The following DNAH5 variants were observed in gnomAD, a reference collection of about 807,000 sequenced individuals.
DNAH5 encodes axonemal beta dynein heavy chain 5.
DNAH5 carries 372 observed loss-of-function variants against 518.2 expected under a neutral mutation model. The observed-to-expected ratio is 0.72, with a 90% CI of 0.66 to 0.78. The LOEUF is 0.78. Among genes scored for constraint, DNAH5 ranks in the 30% least tolerant of loss-of-function variants. DNAH5 has a pLI of 0.00. For missense variants in DNAH5, 5,523 were observed against 5,687.0 expected, an observed-to-expected ratio of 0.97 and a Z score of 0.93; for synonymous variants, 2,039 against 2,025.9, an observed-to-expected ratio of 1.01 and a Z score of -0.17.
chr5:13,961,625 C>T (rs771913115), intron 1 of DNAH5, among the ~76,000 whole-genome samples: 8 of 150,846 alleles, frequency 5.3e-5, no homozygotes, highest in Non-Finnish European at 7.4e-5. Flanking sequence ...GCCCGGGTGA[C>T]AGAGCAAGAC....
chr5:13,737,189 C>T, intron 66 of DNAH5, 63 bp downstream of exon 66: 1 of 1,607,160 alleles, frequency 6.2e-7, no homozygotes, highest in Non-Finnish European at 8.5e-7. Context: ...TTCCATTTCT[C>T]TAATTCTCAT....
intron 47 of DNAH5, among the ~76,000 whole-genome samples, chr5:13,801,001 A>G (rs1365151376): frequency 1.3e-5 from 2 of 152,142 alleles, no homozygotes; most frequent in African/African-American, 4.8e-5. Context: ...GTTGTTAAAT[A>G]TTTTTTACAT....
chr5:13,942,432 T>A (rs1362939733), intron 1 of DNAH5, among the ~76,000 whole-genome samples: 1 of 152,214 alleles, frequency 6.6e-6, no homozygotes, highest in Non-Finnish European at 1.5e-5. Context: ...TATAATATAA[T>A]AAGCTATCTT....
At chr5:13,911,571 A>C in intron 11 of DNAH5, 78 bp from the exon 12 acceptor site, 1 of 1,116,968 alleles carries the variant, frequency 9.0e-7, no homozygotes, top group South Asian at 1.3e-5. Context: ...TTAAATGTAG[A>C]GCCTATACAA....
rs528843891 is a variant in DNAH5 at position 13,929,061 on chromosome 5, T to C, written c.193-883A>G. Reference sequence around the variant, plus strand: ...TGTATACCCATGTTCATAGTAGCATTACTCACAATAGCTTCCACAAAAGAT... The same window carrying C: ...TGTATACCCATGTTCATAGTAGCATCACTCACAATAGCTTCCACAAAAGAT... On this transcript the variant is annotated intron_variant, in intron 2 of 78. Coordinates refer to ENST00000265104, the MANE Select transcript of DNAH5 (RefSeq NM_001369.3). Among the ~76,000 whole-genome samples the C allele has an allele frequency of 8.5e-4, 130 of 152,358 alleles. 2 individuals are homozygous for C. Among genetic ancestry groups the C allele is most frequent in the African/African-American group, 2.8e-3 (118 of 41,586 alleles).
rs577322977 is a variant in DNAH5 at position 13,855,455 on chromosome 5, G to A, written c.4950+3997C>T. Among the ~76,000 whole-genome samples, 313 of 48,740 alleles carry A rather than the reference G, an allele frequency of 6.4e-3. 79 individuals carry two copies. Among genetic ancestry groups the A allele is most frequent in the African/African-American group, 0.018 (284 of 15,386 alleles). 32.0% of individuals were successfully genotyped at this position (48,740 alleles called of 152,430 possible). ...GATCTCCTGACCTCGTGATCCGCCC[G>A]CCTCGGCCTCCCAAAGTGCTGGGAT... is the stretch of plus-strand genomic sequence containing the variant. On this transcript the variant is annotated intron_variant, in intron 30 of 78. Transcript: ENST00000265104.
chr5:13,823,324 A>G lies in DNAH5; in HGVS notation c.6626T>C (p.Phe2209Ser). 1.2e-6 allele frequency: 2 copies of G among 1,614,060 alleles called. No individual in the cohort carries two copies. The highest frequency in any genetic ancestry group is 1.7e-6 in the Non-Finnish European group (2 of 1,179,930). The change falls in exon 40 of 79, where the codon TTT (phenylalanine) becomes TCT (serine). Residue 2209 changes from phenylalanine (F) to serine (S), a missense_variant. Physicochemically the swap from Phe to Ser is radical, Grantham distance 155. Around this residue, in one of 3 missense-constraint regions of DNAH5, gnomAD observed 5,121 missense variants for 5,223.3 expected, o/e 0.98. Coordinates refer to ENST00000265104, the MANE Select transcript of DNAH5 (RefSeq NM_001369.3). Reference sequence around the variant, plus strand: ...TGCCTTGTCCAGAAGAATATTTGGAAAGAGATCTTCAATCAAACTCAAAAA... The same window carrying G: ...TGCCTTGTCCAGAAGAATATTTGGAGAGAGATCTTCAATCAAACTCAAAAA... ...PLFLSLIEDL[F>S]PNILLDKAGY... is the part of the protein sequence containing the mutation.
At chr5:13,746,031 T>A (rs1317529945) in intron 65 of DNAH5, among the ~76,000 whole-genome samples, 1 of 152,160 alleles carries the variant, frequency 6.6e-6, no homozygotes, top group African/African-American at 2.4e-5. Context: ...CTTCTTTGAC[T>A]TATAAGACAA....
At chr5:13,735,431 T>G in intron 67 of DNAH5, 110 bp from the exon 68 acceptor site, 1 of 1,050,782 alleles carries the variant, frequency 9.5e-7, no homozygotes, top group Non-Finnish European at 1.4e-6. Context: ...GAATTCTTAT[T>G]TTTACACATC....
At chr5:13,946,226 C>T (rs185433997), upstream of DNAH5, among the ~76,000 whole-genome samples, 85 of 152,348 alleles carry the variant, frequency 5.6e-4, no homozygotes, top group African/African-American at 1.9e-3. Flanking sequence ...AGCCCATTTA[C>T]AACGCATCGC....
At position 13,902,142 on chromosome 5, in the gene DNAH5, A is replaced by G. The variant is rs1454992639; in HGVS notation, c.1645-4T>C. The G allele has an allele frequency of 6.3e-7, 1 of 1,590,244 alleles. No homozygotes were observed. On this transcript the variant is annotated splice_polypyrimidine_tract_variant and splice_region_variant and intron_variant, in intron 12 of 78. Coordinates refer to ENST00000265104, the MANE Select transcript of DNAH5 (RefSeq NM_001369.3). The stretch of plus-strand genomic sequence containing the variant: ...CCATGAACTTCCGCAACTCGTTCTA[A>G]AACAGAATAAAATCTGATGATGAAC...
chr5:13,826,725 C>G (rs1762938379), intron 38 of DNAH5, among the ~76,000 whole-genome samples: 1 of 152,126 alleles, frequency 6.6e-6, no homozygotes, highest in Non-Finnish European at 1.5e-5. Context: ...AACAGGAGAA[C>G]AGACTAGTAA....
intron 53 of DNAH5, among the ~76,000 whole-genome samples, chr5:13,778,429 CA>C (rs1186836139): frequency 8.5e-6 from 1 of 117,586 alleles, no homozygotes; most frequent in Non-Finnish European, 1.6e-5. Flanking sequence ...GATCAGAAAA[CA>C]ATTAGAAGAT....
intron 22 of DNAH5, 151 bp from the exon 23 acceptor site, chr5:13,871,916 A>T (rs1770165761): frequency 8.1e-6 from 6 of 738,564 alleles, no homozygotes; most frequent in Non-Finnish European, 1.4e-5. Context: ...AAGAACTGGG[A>T]CTATATACAA....
chr5:13,848,237 G>A (rs558948390), intron 31 of DNAH5, among the ~76,000 whole-genome samples: 63 of 152,306 alleles, frequency 4.1e-4, no homozygotes, highest in African/African-American at 1.5e-3. Flanking sequence ...AAATCTTTAT[G>A]TTAGAAGAAT....
At position 13,997,567 on chromosome 5, in the gene DNAH5, G is replaced by A. The variant is rs910231002; in HGVS notation, c.12+14081C>T. Among the ~76,000 whole-genome samples the A allele has an allele frequency of 3.3e-5, 5 of 152,122 alleles. No homozygotes were observed. In the East Asian group the frequency reaches 9.6e-4, roughly 29 times the overall value. On this transcript the variant is annotated intron_variant, in intron 1 of 78. Coordinates refer to the DNAH5 transcript ENST00000681290. ...CAACCACTTAAGCAATCTCTAAAAA[G>A]ATACAGGCTTTCTCTACAGCTCTCC...
At position 13,913,778 on chromosome 5, in the gene DNAH5, T is replaced by C. The variant is rs185103857; in HGVS notation, c.1501A>G (p.Ile501Val). 4.6e-5 allele frequency: 74 copies of C among 1,613,470 alleles called. No homozygotes were observed. In the Middle Eastern group the frequency reaches 6.6e-4, roughly 14 times the overall value. The part of the protein sequence containing the change: ...KTYSVLQDST[I>V]EGLEDMATKY... ...GTGGCCATGTCTTCCAGCCCTTCAA[T>C]TGTGGAATCTTGCAGGACTGAATAC... Residue 501 changes from isoleucine to valine, a missense_variant, in exon 11 of 79, where the codon ATT (isoleucine) becomes GTT (valine). Around this residue, in one of 3 missense-constraint regions of DNAH5, gnomAD observed 5,121 missense variants for 5,223.3 expected, o/e 0.98. Coordinates refer to ENST00000265104, the MANE Select transcript of DNAH5 (RefSeq NM_001369.3).
rs572913236 is a variant in DNAH5, at chr5:13,747,348, T to C, written c.11211+3730A>G. Among the ~76,000 whole-genome samples, 230 of 152,338 alleles carry C rather than the reference T, an allele frequency of 1.5e-3. 1 individual carries two copies. The highest frequency in any genetic ancestry group is 5.3e-3 in the African/African-American group (221 of 41,590). On this transcript the variant is annotated intron_variant, in intron 65 of 78. Coordinates refer to ENST00000265104, the MANE Select transcript of DNAH5 (RefSeq NM_001369.3). Reference sequence around the variant, plus strand: ...ATTGTGAATAGTGCCGCAATAAACATACGTGTGCATGTATCTTTATAGCAG... The same window carrying C: ...ATTGTGAATAGTGCCGCAATAAACACACGTGTGCATGTATCTTTATAGCAG...
At chr5:13,986,591 T>A (rs184937848) in intron 1 of DNAH5, among the ~76,000 whole-genome samples, 30 of 152,314 alleles carry the variant, frequency 2.0e-4, no homozygotes, top group African/African-American at 7.0e-4. Flanking sequence ...GGAACAAGAA[T>A]GATGCAGACA....
Sources: allele counts gnomAD v4.1 joint callset (sites outside exome capture counted in the v4.1 genomes callset), GRCh38; gene constraint gnomAD v4.1.1; regional missense constraint gnomAD v4.1.1; transcripts MANE v1.5; gene names NCBI Gene and HGNC (gene_info 2026-07-23, HGNC 2026-07-21).